Variants in ALDH9A1 observed in about 807,000 individuals in gnomAD.
ALDH9A1 encodes 4-trimethylaminobutyraldehyde dehydrogenase.
In ALDH9A1, 42 loss-of-function variants were observed where a neutral mutation model predicts 56.6. The ratio of observed to expected loss-of-function variants is 0.74; its 90% CI spans 0.58 to 0.96. The LOEUF is 0.96. Ranked by LOEUF, ALDH9A1 falls within the 40% of genes least tolerant of loss-of-function variation. The probability of loss-of-function intolerance (pLI) is 0.00; values close to 1 mark genes in which losing one functional copy is unlikely to be tolerated. For missense variants in ALDH9A1, 661 were observed against 651.5 expected (o/e 1.01, Z -0.16); for synonymous variants, 242 against 236.0 (o/e 1.03, Z -0.23).
chr1:165,695,175 C>A (rs1243415880), intron 2 of ALDH9A1, 77 bp downstream of exon 2: 2 of 1,457,764 alleles, frequency 1.4e-6, no homozygotes, highest in Non-Finnish European at 1.8e-6. Flanking sequence ...AATGTTGCAA[C>A]AAAGTCGAAC....
intron 2 of ALDH9A1, among the ~76,000 whole-genome samples, chr1:165,693,479 G>A (rs1341649940): frequency 3.9e-5 from 6 of 152,100 alleles, no homozygotes; most frequent in Non-Finnish European, 7.3e-5. Flanking sequence ...CATCATCACT[G>A]GCCATCAGAG....
At chr1:165,668,774 A>T in intron 8 of ALDH9A1, 152 bp downstream of exon 8, 1 of 574,098 alleles carries the variant, frequency 1.7e-6, no homozygotes. Context: ...CTTCAAAGAT[A>T]ATGGAGCAGT....
At chr1:165,695,486 T>A (rs946087387) in intron 1 of ALDH9A1, 89 bp from the exon 2 acceptor site, 9 of 705,010 alleles carry the variant, frequency 1.3e-5, no homozygotes, top group Non-Finnish European at 1.7e-5. Flanking sequence ...TTAGTAGTAG[T>A]CTTTTTTTTT....
intron 6 of ALDH9A1, among the ~76,000 whole-genome samples, chr1:165,675,110 G>T (rs564206835): frequency 6.6e-6 from 1 of 152,082 alleles, no homozygotes; most frequent in African/African-American, 2.4e-5. Context: ...CAGGAGAATC[G>T]CTTGAGCTCC....
rs56088658 is a variant in ALDH9A1 at position 165,674,315 on chromosome 1, TAAA to T, written c.931-4868_931-4866del. On this transcript the variant is annotated intron_variant, in intron 6 of 10. Transcript: ENST00000354775. ...ACTTTCTTAATAAACTTCCTTTCAC[TAAA>T]AAAAAAAAAAAAAAAAAAAAAAAGA... 2.6e-3 allele frequency among the ~76,000 whole-genome samples: 150 copies of T among 58,084 alleles called. 1 individual carries two copies. The highest frequency in any genetic ancestry group is 8.6e-3 in the African/African-American group (139 of 16,134). 38.1% of individuals were successfully genotyped at this position (58,084 alleles called of 152,430 possible).
At chr1:165,673,114 A>C (rs1436740625) in intron 6 of ALDH9A1, among the ~76,000 whole-genome samples, 1 of 151,728 alleles carries the variant, frequency 6.6e-6, no homozygotes, top group Non-Finnish European at 1.5e-5. Context: ...AAAAAAAAAA[A>C]AAAAACCTCT....
intron 8 of ALDH9A1, among the ~76,000 whole-genome samples, chr1:165,668,224 T>G (rs1317010698): frequency 6.6e-6 from 1 of 152,214 alleles, no homozygotes; most frequent in Non-Finnish European, 1.5e-5. Flanking sequence ...CCAAATCTCA[T>G]GTTGAAGTAT....
intron 6 of ALDH9A1, 51 bp from the exon 7 acceptor site, chr1:165,669,501 G>A (rs774889606): frequency 8.3e-6 from 12 of 1,449,266 alleles, no homozygotes; most frequent in Admixed American, 7.3e-5. Flanking sequence ...GGAGAAAAAA[G>A]GGAAAAGGAA....
chr1:165,691,031 T>C (rs546034494), intron 2 of ALDH9A1, among the ~76,000 whole-genome samples: 4 of 152,268 alleles, frequency 2.6e-5, no homozygotes, highest in African/African-American at 7.2e-5. Context: ...AGCATGGAGT[T>C]TGAGATCTGA....
intron 6 of ALDH9A1, among the ~76,000 whole-genome samples, chr1:165,679,195 A>C (rs1013473183): frequency 2.0e-5 from 3 of 152,206 alleles, no homozygotes; most frequent in African/African-American, 7.2e-5. Context: ...TCTACAATTT[A>C]CTCTCAAGGT....
At chr1:165,693,179 C>A (rs950193661) in intron 2 of ALDH9A1, among the ~76,000 whole-genome samples, 8 of 152,232 alleles carry the variant, frequency 5.3e-5, no homozygotes, top group African/African-American at 1.9e-4. Context: ...ACTAAAACAC[C>A]AAAAGCAATG....
intron 2 of ALDH9A1, among the ~76,000 whole-genome samples, chr1:165,691,104 C>A (rs1649874687): frequency 6.6e-6 from 1 of 152,174 alleles, no homozygotes; most frequent in East Asian, 1.9e-4. Flanking sequence ...TGGGAGACAC[C>A]TCCCAGTCGA....
chr1:165,688,983 T>A (rs1218172585), intron 2 of ALDH9A1, among the ~76,000 whole-genome samples: 3 of 152,026 alleles, frequency 2.0e-5, no homozygotes, highest in South Asian at 2.1e-4. Context: ...AAATTTAGTA[T>A]CAGACAACAG....
In ALDH9A1 at chr1:165,665,196, G is replaced by A. The variant is rs1245235908; in HGVS notation, c.1350-66C>T. The A allele has an allele frequency of 1.3e-5, 16 of 1,231,170 alleles. No homozygotes were observed. In the African/African-American group the frequency reaches 2.1e-4, roughly 16 times the overall value. The allele number at this position is 1,231,170 out of a possible 1,614,324, so 76.3% of individuals were successfully genotyped here. On this transcript the variant is annotated intron_variant, in intron 9 of 10. Coordinates refer to ENST00000354775, the MANE Select transcript of ALDH9A1 (RefSeq NM_000696.4). ...TTAGGCTACTACTTTAACAGGAAAA[G>A]TTACACTGCCAGTTCTAGGGTTCTC...
chr1:165,678,180 A>C (rs1236099777), intron 6 of ALDH9A1, among the ~76,000 whole-genome samples: 1 of 151,930 alleles, frequency 6.6e-6, no homozygotes, highest in Non-Finnish European at 1.5e-5. Context: ...CTAAAAATAC[A>C]AAAATTAGCT....
At chr1:165,672,471 C>T (rs967671876) in intron 6 of ALDH9A1, among the ~76,000 whole-genome samples, 40 of 152,082 alleles carry the variant, frequency 2.6e-4, no homozygotes, top group African/African-American at 7.5e-4. Context: ...TTCATAGAGA[C>T]GGGAATTAGA....
chr1:165,687,682 C>A (rs1571181591), intron 2 of ALDH9A1, among the ~76,000 whole-genome samples: 1 of 152,062 alleles, frequency 6.6e-6, no homozygotes, highest in Non-Finnish European at 1.5e-5. Flanking sequence ...ACCAACAGAC[C>A]TGCACTATAA....
chr1:165,682,933 T>C (rs1453873305), intron 3 of ALDH9A1, 48 bp downstream of exon 3: 4 of 1,596,246 alleles, frequency 2.5e-6, no homozygotes, highest in Middle Eastern at 1.7e-4. Context: ...TAGGCCCTGC[T>C]CTTCTGCCTC....
In ALDH9A1 at chr1:165,698,373, G is replaced by T. The variant is rs376208313; in HGVS notation, c.181+5C>A. 3.1e-6 allele frequency: 5 copies of T among 1,589,752 alleles called. No homozygotes were observed. Among genetic ancestry groups the T allele is most frequent in the Non-Finnish European group, 4.3e-6 (5 of 1,170,250 alleles). ...GCCCCAGCCTCCCCGGCTCGTTGCA[G>T]TTACCGGTTGCTGGCTCGAAAGCTT... On this transcript the variant is annotated splice_donor_5th_base_variant and intron_variant, in intron 1 of 10. Transcript: ENST00000354775.
Sources: gnomAD v4.1 joint callset for allele counts (sites outside exome capture counted in the v4.1 genomes callset) on GRCh38, gnomAD v4.1.1 for gene constraint, MANE v1.5 for transcripts, NCBI Gene and HGNC (gene_info 2026-07-23, HGNC 2026-07-21) for gene names.